The following MORN3 variants were observed in gnomAD, a reference collection of about 807,000 sequenced individuals.
MORN3 encodes the protein MORN repeat containing 3, also known as MORN repeat-containing protein 3.
Under a neutral mutation model 34.7 loss-of-function variants are expected in MORN3, and 38 were observed. The observed-to-expected ratio is 1.10, with a 90% CI of 0.85 to 1.44. MORN3 has a LOEUF of 1.44. Ranked by LOEUF, MORN3 falls within the 40% of genes most tolerant of loss-of-function variation. The pLI is 0.00. For missense variants in MORN3, 311 were observed against 321.7 expected (o/e 0.97, Z 0.25); for synonymous variants, 109 against 115.3 (o/e 0.95, Z 0.35).
intron 5 of MORN3, among the ~76,000 whole-genome samples, chr12:121,652,406 A>T (rs1273742057): frequency 2.0e-5 from 3 of 151,300 alleles, no homozygotes; most frequent in African/African-American, 7.3e-5. Flanking sequence ...GCTAACTTTT[A>T]TATTTTTAGT....
At chr12:121,652,079 G>A (rs1555325146) in intron 5 of MORN3, among the ~76,000 whole-genome samples, 1 of 151,900 alleles carries the variant, frequency 6.6e-6, no homozygotes, top group African/African-American at 2.4e-5. Flanking sequence ...GGAATTACAG[G>A]TGCCCTCCCC....
In MORN3 at chr12:121,654,279, C is replaced by T. The variant is rs1555325456; in HGVS notation, c.458G>A (p.Arg153His). ...GGCGGGGGTGGGGCACTCACTCAGG[C>T]GCAGCATGCCCTCCCCGTTGGGCTT... ...NDKPNGEGML[R>H]LKNGNRYEGC... is the part of the protein sequence containing the mutation. Residue 153 changes from arginine (R) to histidine (H), a missense_variant, in exon 3 of 6, where the codon CGC becomes CAC. Transcript: ENST00000355329. 2 of 1,571,106 alleles carry T rather than the reference C, an allele frequency of 1.3e-6. No individual in the cohort carries two copies. Among genetic ancestry groups the T allele is most frequent in the Non-Finnish European group, 1.7e-6 (2 of 1,159,932 alleles).
Position 121,654,271 on chromosome 12 carries a change from C to CA in MORN3, c.463+2dup. On this transcript the variant is annotated splice_region_variant and intron_variant, in intron 3 of 5. Coordinates refer to ENST00000355329, the MANE Select transcript of MORN3 (RefSeq NM_173855.5). ...GCGGGGCCGGCGGGGGTGGGGCACT[C>CA]ACTCAGGCGCAGCATGCCCTCCCCG... The CA allele has an allele frequency of 6.4e-7, 1 of 1,557,262 alleles. No homozygotes were observed. Among genetic ancestry groups the CA allele is most frequent in the South Asian group, 1.2e-5 (1 of 84,922 alleles).
Position 121,665,848 on chromosome 12 carries a change from C to T in MORN3, c.145+3491G>A, listed in dbSNP as rs113916330. The stretch of plus-strand genomic sequence containing the variant: ...ATCAGTTGAGGGTTCGGGGTCCAGA[C>T]GACCCAACAGAAACCATACTGCACT... On this transcript the variant is annotated intron_variant, in intron 1 of 5. Transcript: ENST00000355329. Among the ~76,000 whole-genome samples the T allele has an allele frequency of 3.3e-3, 492 of 151,012 alleles. 2 individuals carry two copies. The highest frequency in any genetic ancestry group is 0.011 in the African/African-American group (461 of 41,062).
intron 2 of MORN3, among the ~76,000 whole-genome samples, chr12:121,658,714 GC>G (rs139477474): frequency 0.054 from 8,162 of 152,172 alleles, 457 homozygotes; most frequent in African/African-American, 0.14. Flanking sequence ...GGGAACCTGT[GC>G]CCAGCTTGGG....
At chr12:121,668,879 C>T (rs1594238383) in intron 1 of MORN3, among the ~76,000 whole-genome samples, 1 of 152,250 alleles carries the variant, frequency 6.6e-6, no homozygotes, top group African/African-American at 2.4e-5. Context: ...GACTTGGAGC[C>T]CCAGCTCCTC....
intron 1 of MORN3, among the ~76,000 whole-genome samples, chr12:121,667,859 G>A (rs965067275): frequency 2.6e-5 from 4 of 152,070 alleles, no homozygotes; most frequent in South Asian, 4.1e-4. Flanking sequence ...GAGTAGCTGG[G>A]ACTACAGGCG....
chr12:121,668,379 T>C lies in MORN3; in HGVS notation c.145+960A>G, dbSNP rs780269965. On this transcript the variant is annotated intron_variant, in intron 1 of 5. Transcript: ENST00000355329. Reference sequence around the variant, plus strand: ...CCAACACGGAGAAACCCCGTCTTACTAAAAATACAAAAGTAGCCAGGCGTG... The same window carrying C: ...CCAACACGGAGAAACCCCGTCTTACCAAAAATACAAAAGTAGCCAGGCGTG... Among the ~76,000 whole-genome samples the C allele has an allele frequency of 1.0e-3, 158 of 152,050 alleles. 1 individual carries two copies. Among genetic ancestry groups the C allele is most frequent in the Non-Finnish European group, 2.0e-3 (138 of 67,938 alleles).
chr12:121,669,827 TATATA>T (rs1893896501), upstream of MORN3, among the ~76,000 whole-genome samples: 1 of 117,676 alleles, frequency 8.5e-6, no homozygotes, highest in Non-Finnish European at 1.7e-5. Context: ...TATATATATA[TATATA>T]TTTTTTTTTT....
upstream of MORN3, among the ~76,000 whole-genome samples, chr12:121,670,757 C>T (rs532834684): frequency 1.4e-4 from 21 of 151,166 alleles, no homozygotes; most frequent in East Asian, 4.1e-3. Flanking sequence ...TGCAGTGAGC[C>T]GAGATTGCAC....
At chr12:121,664,490 G>T (rs1893680583) in intron 1 of MORN3, among the ~76,000 whole-genome samples, 1 of 152,200 alleles carries the variant, frequency 6.6e-6, no homozygotes, top group Admixed American at 6.6e-5. Flanking sequence ...CGGGCGAGGT[G>T]GCTCACGCCT....
chr12:121,653,046 G>A, intron 4 of MORN3, 29 bp downstream of exon 4: 2 of 1,573,692 alleles, frequency 1.3e-6, no homozygotes, highest in East Asian at 2.4e-5. Flanking sequence ...TCTGGGTGTG[G>A]CCACAGGGCC....
upstream of MORN3, among the ~76,000 whole-genome samples, chr12:121,671,605 G>A (rs555117505): frequency 3.7e-4 from 57 of 152,192 alleles, 1 homozygote; most frequent in Admixed American, 3.2e-3. Flanking sequence ...AGCAAGGCCG[G>A]GAGCGGTGGC....
At chr12:121,663,953 GT>G (rs1225106964) in intron 1 of MORN3, among the ~76,000 whole-genome samples, 1 of 152,008 alleles carries the variant, frequency 6.6e-6, no homozygotes, top group Non-Finnish European at 1.5e-5. Flanking sequence ...AACCCCCAAG[GT>G]TTGGGTGGCT....
rs776722576 is a variant in MORN3, at chr12:121,669,436, C to G, written c.48G>C (p.Gly16=). ...CPKKSESLWK[G]WDRKAQRNGL... Reference sequence around the variant, plus strand: ...CGTTCCTCTGGGCCTTCCGGTCCCACCCCTTCCACAGGGACTCCGACTTTT... The same window carrying G: ...CGTTCCTCTGGGCCTTCCGGTCCCAGCCCTTCCACAGGGACTCCGACTTTT... The change falls in exon 1 of 6, where the codon GGG becomes GGC. Residue 16 remains glycine (G), a synonymous_variant. Transcript: ENST00000355329. 1 of 1,613,960 alleles carries G rather than the reference C, an allele frequency of 6.2e-7. No individual in the cohort carries two copies. The highest frequency in any genetic ancestry group is 1.3e-5 in the African/African-American group (1 of 74,936).
At chr12:121,662,938 G>C (rs1893629253) in intron 1 of MORN3, among the ~76,000 whole-genome samples, 2 of 152,040 alleles carry the variant, frequency 1.3e-5, no homozygotes, top group South Asian at 4.2e-4. Flanking sequence ...AGTGATCCAA[G>C]ATCGCACCAC....
intron 1 of MORN3, among the ~76,000 whole-genome samples, chr12:121,665,393 C>G (rs1000230726): frequency 6.8e-6 from 1 of 146,710 alleles, no homozygotes; most frequent in African/African-American, 2.5e-5. Context: ...CAGGTTCACG[C>G]CATTCTCCTG....
At chr12:121,659,516 A>ATTTCTTTC (rs539023370) in intron 1 of MORN3, among the ~76,000 whole-genome samples, 168 bp from the exon 2 acceptor site, 253 of 149,700 alleles carry the variant, frequency 1.7e-3, no homozygotes, top group African/African-American at 5.4e-3. Context: ...GGAAAGTTCC[A>ATTTCTTTC]TTTCTTTCTT....
chr12:121,669,766 G>T, upstream of MORN3: 1 of 255,680 alleles, frequency 3.9e-6, no homozygotes, highest in East Asian at 8.5e-5. Flanking sequence ...GTTTGTGATG[G>T]CATCAGGGAG....
Sources: gnomAD v4.1 joint callset for allele counts (sites outside exome capture counted in the v4.1 genomes callset) on GRCh38, gnomAD v4.1.1 for gene constraint, MANE v1.5 for transcripts, NCBI Gene and HGNC (gene_info 2026-07-23, HGNC 2026-07-21) for gene names.